TMTC1: variants seen among roughly 807,000 people sequenced by gnomAD.
TMTC1 encodes transmembrane O-mannosyltransferase targeting cadherins 1.
TMTC1 carries 73 observed loss-of-function variants against 104.8 expected under a neutral mutation model. The observed-to-expected ratio is 0.70, with a 90% CI of 0.58 to 0.85. TMTC1 has a LOEUF of 0.85. Ranked by LOEUF, TMTC1 falls within the 40% of genes least tolerant of loss-of-function variation. TMTC1 has a pLI of 0.00. For synonymous variants in TMTC1, 434 were observed against 428.7 expected (o/e 1.01, Z -0.15); for missense variants, 1,035 against 1,096.1 (o/e 0.94, Z 0.79).
At chr12:29,724,052 T>C (rs1156359071) in intron 5 of TMTC1, among the ~76,000 whole-genome samples, 2 of 152,122 alleles carry the variant, frequency 1.3e-5, no homozygotes. Flanking sequence ...GACTGACAAA[T>C]TCTACTACAT....
At chr12:29,753,080 T>C (rs756905485) in intron 4 of TMTC1, among the ~76,000 whole-genome samples, 1 of 152,228 alleles carries the variant, frequency 6.6e-6, no homozygotes, top group Non-Finnish European at 1.5e-5. Context: ...ACTGCACTTG[T>C]AGGAAAGTAC....
chr12:29,679,881 AC>A (rs1038469695), intron 5 of TMTC1, among the ~76,000 whole-genome samples: 8 of 152,180 alleles, frequency 5.3e-5, no homozygotes, highest in African/African-American at 1.7e-4. Flanking sequence ...AAAGAAAAAA[AC>A]ATGAAACAAA....
intron 7 of TMTC1, among the ~76,000 whole-genome samples, chr12:29,600,586 A>G (rs180787867): frequency 7.7e-4 from 118 of 152,326 alleles, no homozygotes; most frequent in Non-Finnish European, 1.5e-3. Flanking sequence ...GATTCACTAG[A>G]GGTACAGCAT....
In TMTC1 at chr12:29,783,461, G is replaced by A. The variant is rs1409621279; in HGVS notation, c.291C>T (p.Val97=). The change falls in exon 1 of 18, where the codon GTC becomes GTT. Residue 97 remains valine (V), a synonymous_variant. Transcript: ENST00000539277. The surrounding 1 kb of genome is among the most constrained non-coding windows in gnomAD (Gnocchi z 4.7). ...TSHKSYRPLC[V]LTFKLNIFLT... is the part of the protein sequence containing the mutation. Reference sequence around the variant, plus strand: ...GGTGAGGGACTCACTTGAAGGTGAGGACGCAGAGCGGCCGGTAGGACTTGT... The same window carrying A: ...GGTGAGGGACTCACTTGAAGGTGAGAACGCAGAGCGGCCGGTAGGACTTGT... The A allele has an allele frequency of 2.3e-6, 3 of 1,329,730 alleles. No homozygotes were observed. The highest frequency in any genetic ancestry group is 3.1e-5 in the Admixed American group (1 of 32,650). The allele number at this position is 1,329,730 out of a possible 1,614,324, so 82.4% of individuals were successfully genotyped here.
At chr12:29,680,839 A>T (rs376435795) in intron 5 of TMTC1, among the ~76,000 whole-genome samples, 2 of 151,986 alleles carry the variant, frequency 1.3e-5, no homozygotes, top group African/African-American at 2.4e-5. Flanking sequence ...TGAAGGTCTA[A>T]CTGATCCCAG....
intron 6 of TMTC1, among the ~76,000 whole-genome samples, chr12:29,615,403 C>T (rs1386062527): frequency 1.3e-5 from 2 of 152,182 alleles, no homozygotes; most frequent in African/African-American, 2.4e-5. Context: ...AAAACTCCCT[C>T]GAGTGCCTTC....
At chr12:29,672,498 C>T (rs79298918) in intron 5 of TMTC1, among the ~76,000 whole-genome samples, 4,349 of 152,256 alleles carry the variant, frequency 0.029, 83 homozygotes, top group South Asian at 0.051. Context: ...TCTATCCCAC[C>T]TTTATACTGG....
intron 5 of TMTC1, among the ~76,000 whole-genome samples, chr12:29,730,308 G>A (rs1377409964): frequency 3.3e-5 from 5 of 152,172 alleles, no homozygotes; most frequent in African/African-American, 9.7e-5. Context: ...GAATATTCAT[G>A]CTTGTGCTTT....
chr12:29,643,344 C>A (rs1033542308), intron 5 of TMTC1, among the ~76,000 whole-genome samples: 2 of 146,832 alleles, frequency 1.4e-5, no homozygotes, highest in Non-Finnish European at 3.0e-5. Flanking sequence ...CTTGCACATG[C>A]ATGTTTATAG....
At chr12:29,607,110 C>T (rs1946723108) in intron 6 of TMTC1, among the ~76,000 whole-genome samples, 1 of 152,170 alleles carries the variant, frequency 6.6e-6, no homozygotes, top group Non-Finnish European at 1.5e-5. Flanking sequence ...ATGGAAAAGC[C>T]ACAGGGCTGC....
At chr12:29,775,235 G>A (rs1943680968) in intron 1 of TMTC1, among the ~76,000 whole-genome samples, 1 of 151,930 alleles carries the variant, frequency 6.6e-6, no homozygotes, top group African/African-American at 2.4e-5. Context: ...TTTTTTAAAT[G>A]TGTGTTTGGT....
At chr12:29,571,746 T>C (rs889545752) in intron 9 of TMTC1, among the ~76,000 whole-genome samples, 7 of 152,188 alleles carry the variant, frequency 4.6e-5, no homozygotes, top group South Asian at 2.1e-4. Flanking sequence ...GGGCTTTCTA[T>C]ATGCATACCA....
In TMTC1 at chr12:29,766,230, G is replaced by A. The variant is rs116020412; in HGVS notation, c.480+1668C>T. Among the ~76,000 whole-genome samples the A allele has an allele frequency of 1.2e-3, 184 of 152,192 alleles. 2 individuals are homozygous for A. The highest frequency in any genetic ancestry group is 4.4e-3 in the African/African-American group (181 of 41,510). ...CATCACCCAATCAAAATATATTTTT[G>A]TCAAAACTTTGAGCTTACAGATTTA... On this transcript the variant is annotated intron_variant, in intron 2 of 17. Coordinates refer to ENST00000539277, the MANE Select transcript of TMTC1 (RefSeq NM_001193451.2).
At chr12:29,599,778 G>A (rs1030873038) in intron 7 of TMTC1, among the ~76,000 whole-genome samples, 11 of 152,012 alleles carry the variant, frequency 7.2e-5, no homozygotes, top group Admixed American at 3.3e-4. Flanking sequence ...TACCAACTGA[G>A]CCTTTGACTT....
rs750216057 is a variant in TMTC1 at position 29,783,459 on chromosome 12, A to G, written c.293T>C (p.Leu98Pro). The change falls in exon 1 of 18, where the codon CTC becomes CCC. Residue 98 changes from leucine (L) to proline (P), a missense_variant. By Grantham distance (98) the Leu-to-Pro change is moderately conservative. Transcript: ENST00000539277. This position sits in a 1 kb window ranked among gnomAD's most constrained non-coding sequence, Gnocchi z 4.7. ...SHKSYRPLCV[L>P]TFKLNIFLTG... ...GAGGTGAGGGACTCACTTGAAGGTG[A>G]GGACGCAGAGCGGCCGGTAGGACTT... 4 of 1,325,838 alleles carry G rather than the reference A, an allele frequency of 3.0e-6. No homozygotes were observed. Among genetic ancestry groups the G allele is most frequent in the East Asian group, 3.1e-5 (1 of 32,324 alleles). 82.1% of individuals were successfully genotyped at this position (1,325,838 alleles called of 1,614,324 possible).
rs747662253 is a variant in TMTC1, at chr12:29,783,542, G to A, written c.210C>T (p.Arg70=). The A allele has an allele frequency of 2.7e-6, 4 of 1,472,574 alleles. No individual in the cohort carries two copies. The South Asian group carries it at 5.2e-5, about 19-fold the overall frequency. 91.2% of individuals were successfully genotyped at this position (1,472,574 alleles called of 1,614,324 possible). A position where few individuals can be genotyped will look rare whatever the true frequency, so the allele number is the denominator to read the frequency against. ...NPDVRPGAPL[R]WGIFTNDFWG... ...AGAAGTCGTTGGTGAAGATGCCCCA[G>A]CGGAGCGGGGCGCCGGGCCGCACGT... Residue 70 remains arginine, a synonymous_variant, in exon 1 of 18, where the codon CGC becomes CGT. Coordinates refer to ENST00000539277, the MANE Select transcript of TMTC1 (RefSeq NM_001193451.2). The surrounding 1 kb of genome is among the most constrained non-coding windows in gnomAD (Gnocchi z 4.7).
intron 5 of TMTC1, among the ~76,000 whole-genome samples, chr12:29,700,560 T>C (rs1350475433): frequency 1.3e-5 from 2 of 152,124 alleles, no homozygotes; most frequent in African/African-American, 2.4e-5. Context: ...TCTAGTCAAA[T>C]AACAAATGTG....
chr12:29,643,813 A>ATATATATTTATATATTTATATATATT (rs1565734109), intron 5 of TMTC1, among the ~76,000 whole-genome samples: 5 of 76,030 alleles, frequency 6.6e-5, no homozygotes, highest in Non-Finnish European at 1.1e-4. Context: ...TTATATATTT[A>ATATATATTTATATATTTATATATATT]TATATATTTA....
chr12:29,572,061 T>C (rs1355663760), intron 9 of TMTC1, 44 bp downstream of exon 9: 1 of 1,484,330 alleles, frequency 6.7e-7, no homozygotes, highest in Non-Finnish European at 9.4e-7. Context: ...TAAACAACGG[T>C]CTTTAAAGCA....
Sources: allele counts gnomAD v4.1 joint callset (sites outside exome capture counted in the v4.1 genomes callset), GRCh38; gene constraint gnomAD v4.1.1; non-coding constraint Gnocchi (gnomAD v3.1); transcripts MANE v1.5; gene names NCBI Gene and HGNC (gene_info 2026-07-23, HGNC 2026-07-21).